TMEM201: variants seen among roughly 807,000 people sequenced by gnomAD.
TMEM201 encodes the protein transmembrane protein 201, also known as RP13-15M17.2.
TMEM201 carries 26 observed loss-of-function variants against 63.4 expected under a neutral mutation model. The observed-to-expected ratio is 0.41, with a 90% confidence interval of 0.30 to 0.57. TMEM201 has a LOEUF of 0.57. Among genes scored for constraint, TMEM201 ranks in the 20% least tolerant of loss-of-function variants. The pLI is 0.29. For synonymous variants in TMEM201, 417 were observed against 421.6 expected, an observed-to-expected ratio of 0.99 and a Z score of 0.14; for missense variants, 794 against 917.7, an observed-to-expected ratio of 0.87 and a Z score of 1.74.
chr1:9,592,040 C>T lies in TMEM201; in HGVS notation c.113+2997C>T, dbSNP rs367543415. ...TGCTTAACTGATGGGATGTTCCGCT[C>T]GCACCAGGAGCGACCCTAGAATGGT... On this transcript the variant is annotated intron_variant, in intron 1 of 10. Coordinates refer to ENST00000340381, the MANE Select transcript of TMEM201 (RefSeq NM_001130924.3). 4.6e-5 allele frequency among the ~76,000 whole-genome samples: 7 copies of T among 152,356 alleles called. No individual in the cohort carries two copies. The East Asian group carries it at 5.8e-4, about 13-fold the overall frequency.
chr1:9,607,289 C>T lies in TMEM201; in HGVS notation c.1161-268C>T, dbSNP rs142330638. 1.4e-4 allele frequency among the ~76,000 whole-genome samples: 21 copies of T among 151,078 alleles called. No individual in the cohort carries two copies. The highest frequency in any genetic ancestry group is 4.9e-4 in the African/African-American group (20 of 41,048). ...ACAGTGTCACTTTAATACCGAGACT[C>T]GTAGTGGAGATAGTTTGCTGTGAGC... On this transcript the variant is annotated intron_variant, in intron 6 of 10. Coordinates refer to ENST00000340381, the MANE Select transcript of TMEM201 (RefSeq NM_001130924.3). This position sits in a 1 kb window ranked among gnomAD's most constrained non-coding sequence, Gnocchi z 5.4.
intron 6 of TMEM201, among the ~76,000 whole-genome samples, chr1:9,606,911 A>G (rs1179001519): frequency 6.6e-6 from 1 of 152,194 alleles, no homozygotes; most frequent in Non-Finnish European, 1.5e-5. Flanking sequence ...GGGGGTTCCA[A>G]GGCCTGGCTG....
In TMEM201 at chr1:9,604,058, A is replaced by G. The variant is rs982402164; in HGVS notation, c.1160+1786A>G. 28 of 985,326 alleles carry G rather than the reference A, an allele frequency of 2.8e-5. No homozygotes were observed. The highest frequency in any genetic ancestry group is 2.8e-4 in the South Asian group (6 of 21,290). 61.0% of individuals were successfully genotyped at this position (985,326 alleles called of 1,614,324 possible). A position where few individuals can be genotyped will look rare whatever the true frequency, so the allele number is the denominator to read the frequency against. ...CACTCACGCCACCCCCCAGCCCACA[A>G]AGAGCCCATCTGAGAGAAGGACGTG... On this transcript the variant is annotated intron_variant, in intron 6 of 10. Transcript: ENST00000340381. This position sits in a 1 kb window ranked among gnomAD's most constrained non-coding sequence, Gnocchi z 4.1.
At chr1:9,611,041 G>GGAA (rs1244507664) in intron 9 of TMEM201, 1 of 1,525,578 alleles carries the variant, frequency 6.6e-7, no homozygotes, top group African/African-American at 1.4e-5. Flanking sequence ...TCTGTTTCTT[G>GGAA]GAACTGATCG....
rs891098111 is a variant in TMEM201 at position 9,613,097 on chromosome 1, C to T, written c.*14C>T. On this transcript the variant is annotated 3_prime_UTR_variant, in exon 11 of 11. Coordinates refer to ENST00000340381, the MANE Select transcript of TMEM201 (RefSeq NM_001130924.3). The stretch of plus-strand genomic sequence containing the variant: ...AGCCTGCGCTGACCCACCGTTGGAG[C>T]CCCTCGGAGGGGAGCAACCCGGTGC... The T allele has an allele frequency of 1.5e-5, 24 of 1,549,308 alleles. No homozygotes were observed. In the Admixed American group the frequency reaches 4.7e-4, roughly 30 times the overall value.
chr1:9,600,431 C>T lies in TMEM201; in HGVS notation c.607-674C>T, dbSNP rs144025125. ...TGCACCACCAAGGCTGCTAGGAGGACGAATGCAAGTGCCAGGAAAGTGCTG... is the reference window on the plus strand; with the variant it reads ...TGCACCACCAAGGCTGCTAGGAGGATGAATGCAAGTGCCAGGAAAGTGCTG... On this transcript the variant is annotated intron_variant, in intron 4 of 10. Coordinates refer to ENST00000340381, the MANE Select transcript of TMEM201 (RefSeq NM_001130924.3). Among the ~76,000 whole-genome samples the T allele has an allele frequency of 8.7e-3, 1,321 of 152,136 alleles. 70 individuals are homozygous for T. Among genetic ancestry groups the T allele is most frequent in the Admixed American group, 0.065 (1,000 of 15,280 alleles).
chr1:9,601,928 GA>G, intron 5 of TMEM201, 140 bp from the exon 6 acceptor site: 1 of 992,712 alleles, frequency 1.0e-6, no homozygotes, highest in Non-Finnish European at 1.4e-6. Flanking sequence ...GTGTGAGTGT[GA>G]GGGGATTCCG....
chr1:9,608,801 G>A lies in TMEM201; in HGVS notation c.1393+1012G>A, dbSNP rs1644282109. 6.6e-6 allele frequency among the ~76,000 whole-genome samples: 1 copy of A among 152,216 alleles called. No individual in the cohort carries two copies. The highest frequency in any genetic ancestry group is 2.4e-5 in the African/African-American group (1 of 41,464). ...ATCTCCCTGTTAAGGCTCAAGGCAG[G>A]GACACAGTAGCGACCTGTCTGAGGT... is the stretch of plus-strand genomic sequence containing the variant. On this transcript the variant is annotated intron_variant, in intron 7 of 10. Coordinates refer to ENST00000340381, the MANE Select transcript of TMEM201 (RefSeq NM_001130924.3). The surrounding 1 kb of genome is among the most constrained non-coding windows in gnomAD (Gnocchi z 4.3).
At chr1:9,589,116 G>C (rs1338766399) in intron 1 of TMEM201, 73 bp downstream of exon 1, 1 of 700,618 alleles carries the variant, frequency 1.4e-6, no homozygotes. Flanking sequence ...GCCCCGGCCC[G>C]CTGCCCCCCT....
Position 9,613,192 on chromosome 1 carries a change from G to A in TMEM201, c.*109G>A. 9.7e-7 allele frequency: 1 copy of A among 1,032,612 alleles called. No individual in the cohort carries two copies. Among genetic ancestry groups the A allele is most frequent in the Non-Finnish European group, 1.4e-6 (1 of 694,784 alleles). The allele number at this position is 1,032,612 out of a possible 1,614,324, so 64.0% of individuals were successfully genotyped here. A position where few individuals can be genotyped will look rare whatever the true frequency, so the allele number is the denominator to read the frequency against. ...CTGCCACCTCTGCCCTCATCTCCAG[G>A]GCCTTGACCTCACTGGACTGTGACT... On this transcript the variant is annotated 3_prime_UTR_variant, in exon 11 of 11. Transcript: ENST00000340381.
chr1:9,613,032 G>A lies in TMEM201; in HGVS notation c.1950G>A (p.Leu650=). 6.4e-7 allele frequency: 1 copy of A among 1,551,478 alleles called. No homozygotes were observed. Among genetic ancestry groups the A allele is most frequent in the Non-Finnish European group, 8.7e-7 (1 of 1,146,996 alleles). Residue 650 remains leucine, a synonymous_variant, in exon 11 of 11, where the codon TTG becomes TTA. Transcript: ENST00000340381. The part of the protein sequence containing the change: ...SLVRGLLAVS[L]AANALFTSVF... ...TCCGGGGCCTCCTGGCCGTGAGCTT[G>A]GCCGCCAACGCCCTGTTCACCTCGG... is the stretch of plus-strand genomic sequence containing the variant.
Position 9,601,414 on chromosome 1 carries a change from C to T in TMEM201, c.916C>T (p.Leu306Phe). The change falls in exon 5 of 11, where the codon CTC (leucine) becomes TTC (phenylalanine). Residue 306 changes from leucine (L) to phenylalanine (F), a missense_variant. By Grantham distance (22) the Leu-to-Phe change is conservative (BLOSUM62 0). Transcript: ENST00000340381. ...GACGGGCGTCGTGGCACTGGGCCTA[C>T]TCACCTGCCTGCTGGCAATGCTGCT... ...HQTGVVALGL[L>F]TCLLAMLLAG... 6.3e-7 allele frequency: 1 copy of T among 1,596,702 alleles called. No individual in the cohort carries two copies. Among genetic ancestry groups the T allele is most frequent in the Non-Finnish European group, 8.5e-7 (1 of 1,175,948 alleles).
At chr1:9,609,706 G>A (rs982274306) in intron 7 of TMEM201, 134 bp from the exon 8 acceptor site, 3 of 827,222 alleles carry the variant, frequency 3.6e-6, no homozygotes, top group Admixed American at 2.4e-5. Flanking sequence ...CGAGGAATCC[G>A]TGAGCACCTG....
Position 9,611,897 on chromosome 1 carries a change from A to T in TMEM201, c.1903+7A>T. 6.5e-7 allele frequency: 1 copy of T among 1,537,042 alleles called. No individual in the cohort carries two copies. The highest frequency in any genetic ancestry group is 8.8e-7 in the Non-Finnish European group (1 of 1,140,782). ...GAGGCCGCCACCTGGAGAGGTCTGT[A>T]CCCTGAGGTGCGGGAGGGGAGGGGG... On this transcript the variant is annotated splice_region_variant and intron_variant, in intron 10 of 10. Coordinates refer to ENST00000340381, the MANE Select transcript of TMEM201 (RefSeq NM_001130924.3).
Position 9,612,976 on chromosome 1 carries a change from T to G in TMEM201, c.1904-10T>G. 6.4e-7 allele frequency: 1 copy of G among 1,551,510 alleles called. No homozygotes were observed. Among genetic ancestry groups the G allele is most frequent in the Non-Finnish European group, 8.7e-7 (1 of 1,146,898 alleles). Reference sequence around the variant, plus strand: ...CCAAACAATGTTCTGACCAGGTCTCTGCTTTGCAGGTCGTTTCGGCCCTTC... The same window carrying G: ...CCAAACAATGTTCTGACCAGGTCTCGGCTTTGCAGGTCGTTTCGGCCCTTC... On this transcript the variant is annotated splice_polypyrimidine_tract_variant and intron_variant, in intron 10 of 10. Coordinates refer to ENST00000340381, the MANE Select transcript of TMEM201 (RefSeq NM_001130924.3).
chr1:9,614,862 C>A lies in TMEM201; in HGVS notation c.*1779C>A, dbSNP rs1050163548. On this transcript the variant is annotated 3_prime_UTR_variant, in exon 11 of 11. Coordinates refer to ENST00000340381, the MANE Select transcript of TMEM201 (RefSeq NM_001130924.3). ...GCAAAAAAGGAAACCAAAAAAGATA[C>A]AGCCTTTGAATGATGCCTGCTGGCT... 1 of 152,234 alleles carries A rather than the reference C, an allele frequency of 6.6e-6. No homozygotes were observed. Among genetic ancestry groups the A allele is most frequent in the African/African-American group, 2.4e-5 (1 of 41,464 alleles). The allele number at this position is 152,234 out of a possible 1,614,324, so 9.4% of individuals were successfully genotyped here.
In TMEM201 at chr1:9,602,154, T is replaced by G; in HGVS notation, c.1042T>G (p.Ser348Ala). Residue 348 changes from serine to alanine, a missense_variant, in exon 6 of 11, where the codon TCG becomes GCG. Physicochemically the swap from Ser to Ala is moderately conservative, Grantham distance 99. Transcript: ENST00000340381. Reference sequence around the variant, plus strand: ...GGCTGAGCAGCACCTGCAGGCCGCCTCGCCTAGCTGGCTAGACACGCTCAA... The same window carrying G: ...GGCTGAGCAGCACCTGCAGGCCGCCGCGCCTAGCTGGCTAGACACGCTCAA... Reference protein sequence around the residue: ...HLAEQHLQAASPSWLDTLKFS... With the variant: ...HLAEQHLQAAAPSWLDTLKFS... 1 of 1,613,202 alleles carries G rather than the reference T, an allele frequency of 6.2e-7. No individual in the cohort carries two copies. The highest frequency in any genetic ancestry group is 8.5e-7 in the Non-Finnish European group (1 of 1,180,006).
chr1:9,589,112 G>T lies in TMEM201; in HGVS notation c.113+69G>T, dbSNP rs867065119. Reference sequence around the variant, plus strand: ...CCAGGCCCGCCCCCGCGCCGCCCCGGCCCGCTGCCCCCCTCGGCCGGGACC... The same window carrying T: ...CCAGGCCCGCCCCCGCGCCGCCCCGTCCCGCTGCCCCCCTCGGCCGGGACC... On this transcript the variant is annotated intron_variant, in intron 1 of 10. Coordinates refer to ENST00000340381, the MANE Select transcript of TMEM201 (RefSeq NM_001130924.3). 1,203 of 727,340 alleles carry T rather than the reference G, an allele frequency of 1.7e-3. 7 individuals carry two copies. In the African/African-American group the frequency reaches 0.02, roughly 12 times the overall value. The allele number at this position is 727,340 out of a possible 1,614,324, so 45.1% of individuals were successfully genotyped here. A position where few individuals can be genotyped will look rare whatever the true frequency, so the allele number is the denominator to read the frequency against.
rs1387450739 is a variant in TMEM201, at chr1:9,605,844, A to G, written c.1161-1713A>G. Among the ~76,000 whole-genome samples, 3 of 152,188 alleles carry G rather than the reference A, an allele frequency of 2.0e-5. No individual in the cohort carries two copies. Among genetic ancestry groups the G allele is most frequent in the Non-Finnish European group, 4.4e-5 (3 of 68,022 alleles). On this transcript the variant is annotated intron_variant, in intron 6 of 10. Transcript: ENST00000340381. This position sits in a 1 kb window ranked among gnomAD's most constrained non-coding sequence, Gnocchi z 5.7. ...CTAGAGCCCACCCTTTGGGGCCAGG[A>G]GCTGCGTGGCCCAGCTGACCACCTC... is the stretch of plus-strand genomic sequence containing the variant.
Sources: allele counts gnomAD v4.1 joint callset (sites outside exome capture counted in the v4.1 genomes callset), GRCh38; gene constraint gnomAD v4.1.1; non-coding constraint Gnocchi (gnomAD v3.1); transcripts MANE v1.5; gene names NCBI Gene and HGNC (gene_info 2026-07-23, HGNC 2026-07-21).